NRXN1: variants seen among roughly 807,000 people sequenced by gnomAD.
NRXN1 encodes the protein neurexin 1, also known as neurexin-1.
In NRXN1, 39 loss-of-function variants were observed where a neutral mutation model predicts 150.9. That is an observed-to-expected ratio of 0.26 (90% confidence interval 0.20 to 0.34). The LOEUF (loss-of-function observed/expected upper bound fraction) is 0.34. NRXN1 is among the 10% of genes least tolerant of loss of function. The pLI, the probability that NRXN1 is intolerant of heterozygous loss-of-function variation, is 1.00. For missense variants in NRXN1, 1,815 were observed against 1,949.9 expected, an observed-to-expected ratio of 0.93 and a Z score of 1.30; for synonymous variants, 924 against 757.0, an observed-to-expected ratio of 1.22 and a Z score of -3.62.
At chr2:50,113,136 C>T (rs1305718915) in intron 18 of NRXN1, among the ~76,000 whole-genome samples, 3 of 152,128 alleles carry the variant, frequency 2.0e-5, no homozygotes, top group African/African-American at 7.2e-5. Flanking sequence ...ATTTTTGCAA[C>T]ACATCCTTCA....
At chr2:49,953,860 G>GT (rs1436309439) in intron 21 of NRXN1, among the ~76,000 whole-genome samples, 2 of 151,932 alleles carry the variant, frequency 1.3e-5, no homozygotes, top group African/African-American at 4.8e-5. Context: ...CTGTCAGGGT[G>GT]TGGGGGACAA....
chr2:50,233,266 T>G (rs1277135215), intron 18 of NRXN1, among the ~76,000 whole-genome samples: 1 of 152,054 alleles, frequency 6.6e-6, no homozygotes, highest in South Asian at 2.1e-4. Context: ...TAATATTATA[T>G]GACTTTGAGG....
intron 5 of NRXN1, among the ~76,000 whole-genome samples, chr2:50,858,472 C>T (rs542916981): frequency 6.6e-6 from 1 of 151,902 alleles, no homozygotes; most frequent in African/African-American, 2.4e-5. Context: ...ACAGCTTTCT[C>T]CACTCAAACA....
intron 21 of NRXN1, among the ~76,000 whole-genome samples, chr2:49,975,531 G>GA (rs1678807785): frequency 6.6e-6 from 1 of 151,996 alleles, no homozygotes; most frequent in Admixed American, 6.6e-5. Context: ...ACCCTGTCAA[G>GA]TTTTTTTGCA....
chr2:49,941,960 T>C (rs1252995926), intron 22 of NRXN1, among the ~76,000 whole-genome samples: 2 of 152,108 alleles, frequency 1.3e-5, no homozygotes, highest in South Asian at 2.1e-4. Flanking sequence ...ATGGGACTGA[T>C]ATAATGACAG....
intron 12 of NRXN1, among the ~76,000 whole-genome samples, chr2:50,508,697 T>C (rs2092338952): frequency 6.6e-6 from 1 of 152,174 alleles, no homozygotes; most frequent in Non-Finnish European, 1.5e-5. Flanking sequence ...ATCCTTGGCT[T>C]GATCTTGCAG....
At chr2:50,833,655 A>T (rs1446072172) in intron 5 of NRXN1, among the ~76,000 whole-genome samples, 1 of 152,218 alleles carries the variant, frequency 6.6e-6, no homozygotes, top group African/African-American at 2.4e-5. Flanking sequence ...GGAGAAGAGT[A>T]TATCTACAAA....
intron 21 of NRXN1, among the ~76,000 whole-genome samples, chr2:49,982,859 C>G (rs1680205558): frequency 6.6e-6 from 1 of 152,010 alleles, no homozygotes; most frequent in South Asian, 2.1e-4. Context: ...AGACTAAAGA[C>G]ATAGTGTTTT....
At chr2:51,015,076 C>A (rs1282430256) in intron 2 of NRXN1, among the ~76,000 whole-genome samples, 1 of 152,038 alleles carries the variant, frequency 6.6e-6, no homozygotes, top group East Asian at 1.9e-4. Context: ...ATGTTCCTGT[C>A]CTGTCTTCTA....
At chr2:50,584,616 G>A (rs1450349871) in intron 8 of NRXN1, among the ~76,000 whole-genome samples, 1 of 152,210 alleles carries the variant, frequency 6.6e-6, no homozygotes, top group Non-Finnish European at 1.5e-5. Context: ...ACTTAGCAAA[G>A]TGCAAGTGGT....
chr2:50,493,788 T>C (rs2091401563), intron 15 of NRXN1, among the ~76,000 whole-genome samples: 1 of 152,240 alleles, frequency 6.6e-6, no homozygotes, highest in Admixed American at 6.5e-5. Context: ...TATTATTCTA[T>C]ACTAATGATT....
At chr2:50,048,302 A>C (rs556825027) in intron 21 of NRXN1, among the ~76,000 whole-genome samples, 1 of 152,144 alleles carries the variant, frequency 6.6e-6, no homozygotes, top group Non-Finnish European at 1.5e-5. Context: ...GTGAATTCAG[A>C]AGATTGATTG....
chr2:50,540,923 A>T (rs2093375046), intron 9 of NRXN1, among the ~76,000 whole-genome samples: 1 of 152,162 alleles, frequency 6.6e-6, no homozygotes, highest in East Asian at 1.9e-4. Flanking sequence ...TGGCCTCCCA[A>T]AGTGCTGGGA....
intron 2 of NRXN1, among the ~76,000 whole-genome samples, chr2:50,964,489 T>C (rs1031036960): frequency 6.6e-6 from 1 of 151,512 alleles, no homozygotes; most frequent in African/African-American, 2.4e-5. Flanking sequence ...ATGTAAACAT[T>C]GCCTTTCCCT....
chr2:50,689,055 G>A (rs1162133925), intron 5 of NRXN1, among the ~76,000 whole-genome samples: 2 of 152,118 alleles, frequency 1.3e-5, no homozygotes. Context: ...AGTTCTGGGA[G>A]CATGAGTCAG....
intron 18 of NRXN1, among the ~76,000 whole-genome samples, chr2:50,192,864 C>T (rs2061535073): frequency 6.6e-6 from 1 of 152,178 alleles, no homozygotes; most frequent in Non-Finnish European, 1.5e-5. Flanking sequence ...CTCCCATCGG[C>T]AGGCTGGGAT....
intron 17 of NRXN1, among the ~76,000 whole-genome samples, chr2:50,366,599 C>T (rs962611426): frequency 1.3e-5 from 2 of 151,938 alleles, no homozygotes; most frequent in African/African-American, 2.4e-5. Context: ...GCCCTTGTGA[C>T]CCAGTTAATC....
At chr2:50,664,396 C>CGTGTGTGTGTGTGT (rs35702112) in intron 5 of NRXN1, among the ~76,000 whole-genome samples, 1 of 108,038 alleles carries the variant, frequency 9.3e-6, no homozygotes, top group African/African-American at 3.4e-5. Context: ...AAGTTTAAAG[C>CGTGTGTGTGTGTGT]GTGTGTGTGT....
At position 50,080,757 on chromosome 2, in the gene NRXN1, G is replaced by GA. The variant is rs200279434; in HGVS notation, c.3718+10565dup. ...AGTACAAAAGTTGGTCCTATTCTGT[G>GA]AAAAAAAAATTATCTGAGCTAGTAA... On this transcript the variant is annotated intron_variant, in intron 19 of 22. Coordinates refer to ENST00000401669, the MANE Select transcript of NRXN1 (RefSeq NM_001330078.2). Among the ~76,000 whole-genome samples, 352 of 151,308 alleles carry GA rather than the reference G, an allele frequency of 2.3e-3. 4 individuals are homozygous for GA. Among genetic ancestry groups the GA allele is most frequent in the Middle Eastern group, 0.01 (3 of 292 alleles).
Sources: gnomAD v4.1 joint callset for allele counts (sites outside exome capture counted in the v4.1 genomes callset) on GRCh38, gnomAD v4.1.1 for gene constraint, MANE v1.5 for transcripts, NCBI Gene and HGNC (gene_info 2026-07-23, HGNC 2026-07-21) for gene names.